The following TMEM108 variants were observed in gnomAD, a reference collection of about 807,000 sequenced individuals.
The protein encoded by TMEM108 is cancer/testis antigen 124.
TMEM108 carries 12 observed loss-of-function variants against 35.1 expected under a neutral mutation model. The observed-to-expected ratio is 0.34, with a 90% CI of 0.22 to 0.55. TMEM108 has a LOEUF of 0.55. Ranked by LOEUF, TMEM108 falls within the 20% of genes least tolerant of loss-of-function variation. TMEM108 has a pLI of 0.89. For synonymous variants in TMEM108, 287 were observed against 308.6 expected (o/e 0.93, Z 0.73); for missense variants, 680 against 753.3 (o/e 0.90, Z 1.14).
At chr3:133,324,431 C>T (rs2071304836) in intron 3 of TMEM108, among the ~76,000 whole-genome samples, 2 of 152,130 alleles carry the variant, frequency 1.3e-5, no homozygotes, top group Admixed American at 1.3e-4. Context: ...TTCAACATCA[C>T]TAATTATTAG....
Position 133,057,435 on chromosome 3 carries a change from GTATATATATATATATATA to G in TMEM108, c.-47+11449_-47+11466del, listed in dbSNP as rs56983894. 2.3e-3 allele frequency among the ~76,000 whole-genome samples: 106 copies of G among 45,758 alleles called. 4 individuals carry two copies. The East Asian group carries it at 0.038, about 16-fold the overall frequency. The allele number at this position is 45,758 out of a possible 152,430, so 30.0% of individuals were successfully genotyped here. ...TGGGCTATTAGTTGTGTGTGTGTGT[GTATATATATATATATATA>G]TATATATATATATATATATATATAT... On this transcript the variant is annotated intron_variant, in intron 2 of 5. Coordinates refer to ENST00000321871, the MANE Select transcript of TMEM108 (RefSeq NM_023943.4).
At chr3:133,101,567 G>A (rs766034) in intron 2 of TMEM108, among the ~76,000 whole-genome samples, 3,105 of 152,280 alleles carry the variant, frequency 0.02, 44 homozygotes, top group Non-Finnish European at 0.034. Flanking sequence ...TACAGTCTGG[G>A]CTTCATTCCT....
intron 3 of TMEM108, among the ~76,000 whole-genome samples, chr3:133,276,653 A>G (rs1453949639): frequency 6.6e-6 from 1 of 152,170 alleles, no homozygotes; most frequent in Non-Finnish European, 1.5e-5. Context: ...ACTAGGAACT[A>G]TCTCTATTTT....
At chr3:133,187,206 T>G (rs1945433370) in intron 2 of TMEM108, among the ~76,000 whole-genome samples, 2 of 152,190 alleles carry the variant, frequency 1.3e-5, no homozygotes, top group Non-Finnish European at 2.9e-5. Context: ...TTCTTAACTT[T>G]TATCTTATAT....
At chr3:133,138,112 C>T (rs1240751337) in intron 2 of TMEM108, among the ~76,000 whole-genome samples, 1 of 152,060 alleles carries the variant, frequency 6.6e-6, no homozygotes, top group Non-Finnish European at 1.5e-5. Flanking sequence ...CTTGTAGATA[C>T]CCAGCCAAAA....
chr3:133,112,925 A>T (rs1393559453), intron 2 of TMEM108, among the ~76,000 whole-genome samples: 1 of 152,226 alleles, frequency 6.6e-6, no homozygotes, highest in Non-Finnish European at 1.5e-5. Context: ...ACACATTTAA[A>T]AACTTTGTCA....
chr3:133,116,519 G>A (rs1459122423), intron 2 of TMEM108, among the ~76,000 whole-genome samples: 1 of 151,980 alleles, frequency 6.6e-6, no homozygotes, highest in East Asian at 1.9e-4. Flanking sequence ...TAAAATGGGG[G>A]AGGCATATTA....
intron 3 of TMEM108, among the ~76,000 whole-genome samples, chr3:133,326,866 T>A (rs1362327187): frequency 6.6e-6 from 1 of 152,230 alleles, no homozygotes; most frequent in African/African-American, 2.4e-5. Context: ...TTAGAGGATT[T>A]AATGAAAGAA....
intron 3 of TMEM108, among the ~76,000 whole-genome samples, chr3:133,238,879 A>T (rs1946275759): frequency 6.6e-6 from 1 of 152,198 alleles, no homozygotes; most frequent in African/African-American, 2.4e-5. Flanking sequence ...GCCATTCTGT[A>T]TACATAAGAG....
At chr3:133,289,103 A>G (rs1947026683) in intron 3 of TMEM108, among the ~76,000 whole-genome samples, 1 of 152,142 alleles carries the variant, frequency 6.6e-6, no homozygotes, top group Admixed American at 6.5e-5. Flanking sequence ...TCTGGAATTT[A>G]TGTCCTAACT....
At chr3:133,186,706 C>A (rs1308789508) in intron 2 of TMEM108, among the ~76,000 whole-genome samples, 2 of 152,136 alleles carry the variant, frequency 1.3e-5, no homozygotes, top group Non-Finnish European at 2.9e-5. Context: ...TTTGATAAAA[C>A]CTTGGCAAAA....
intron 2 of TMEM108, among the ~76,000 whole-genome samples, chr3:133,113,301 C>T (rs950023343): frequency 2.0e-5 from 3 of 152,130 alleles, no homozygotes; most frequent in African/African-American, 7.2e-5. Flanking sequence ...TGAAATAATG[C>T]ATAAACCCAA....
At chr3:133,265,003 G>A (rs1159920576) in intron 3 of TMEM108, among the ~76,000 whole-genome samples, 1 of 152,174 alleles carries the variant, frequency 6.6e-6, no homozygotes, top group African/African-American at 2.4e-5. Context: ...CGGAGGTCAG[G>A]AATGACTCTT....
At chr3:133,039,554 A>G (rs960163612) in intron 1 of TMEM108, among the ~76,000 whole-genome samples, 3 of 152,196 alleles carry the variant, frequency 2.0e-5, no homozygotes, top group Admixed American at 2.0e-4. Flanking sequence ...AAGCTATGGA[A>G]AGTATTCCCT....
chr3:133,334,085 T>C (rs2071443411), intron 3 of TMEM108, among the ~76,000 whole-genome samples: 1 of 152,030 alleles, frequency 6.6e-6, no homozygotes, highest in Non-Finnish European at 1.5e-5. Context: ...ATGAAGTGAG[T>C]TTCGTCAGTT....
intron 4 of TMEM108, among the ~76,000 whole-genome samples, chr3:133,385,587 A>G (rs2073128153): frequency 1.3e-5 from 2 of 152,198 alleles, no homozygotes; most frequent in South Asian, 2.1e-4. Flanking sequence ...ACTGGCACCC[A>G]TGGGCGAATC....
intron 3 of TMEM108, among the ~76,000 whole-genome samples, chr3:133,292,403 T>G (rs930413323): frequency 6.6e-6 from 1 of 152,226 alleles, no homozygotes; most frequent in African/African-American, 2.4e-5. Context: ...TGCCCAGTCC[T>G]CATTAGGCCC....
chr3:133,303,258 T>C (rs1204670125), intron 3 of TMEM108: 1 of 152,150 alleles, frequency 6.6e-6, no homozygotes, highest in African/African-American at 2.4e-5. Context: ...ATTTTTTGAG[T>C]ATGTACATGT....
At chr3:133,337,227 T>C (rs1167698561) in intron 3 of TMEM108, among the ~76,000 whole-genome samples, 1 of 152,164 alleles carries the variant, frequency 6.6e-6, no homozygotes, top group Non-Finnish European at 1.5e-5. Context: ...GTAGTAGTTA[T>C]AGCAGGCCTT....
Sources: gnomAD v4.1 joint callset for allele counts (sites outside exome capture counted in the v4.1 genomes callset) on GRCh38, gnomAD v4.1.1 for gene constraint, MANE v1.5 for transcripts, NCBI Gene and HGNC (gene_info 2026-07-23, HGNC 2026-07-21) for gene names.